TMPRSS4: variants seen among roughly 807,000 people sequenced by gnomAD.
TMPRSS4 encodes transmembrane serine protease 4, also known as transmembrane protease serine 4.
TMPRSS4 carries 45 observed loss-of-function variants against 56.4 expected under a neutral mutation model. That is an observed-to-expected ratio of 0.80 (90% CI 0.63 to 1.02). The LOEUF (loss-of-function observed/expected upper bound fraction) is 1.02, where lower values mean the gene tolerates loss of function less well. TMPRSS4 is among the 50% of genes least tolerant of loss of function. The probability of loss-of-function intolerance (pLI) is 0.00; values close to 1 mark genes in which losing one functional copy is unlikely to be tolerated. For synonymous variants in TMPRSS4, 205 were observed against 211.0 expected (o/e 0.97, Z 0.25); for missense variants, 546 against 556.7 (o/e 0.98, Z 0.19).
intron 4 of TMPRSS4, 25 bp downstream of exon 4, chr11:118,103,278 G>A (rs1946814417): frequency 6.2e-7 from 1 of 1,604,334 alleles, no homozygotes; most frequent in South Asian, 1.1e-5. Context: ...TGAGGCACAA[G>A]AGAAGTGGGC....
intron 9 of TMPRSS4, among the ~76,000 whole-genome samples, chr11:118,114,059 G>A (rs1029271929): frequency 6.6e-6 from 1 of 152,216 alleles, no homozygotes; most frequent in African/African-American, 2.4e-5. Context: ...AAAGGTAGGA[G>A]AAGTTTTTAA....
At chr11:118,097,663 A>G (rs1946482208) in intron 2 of TMPRSS4, among the ~76,000 whole-genome samples, 1 of 152,152 alleles carries the variant, frequency 6.6e-6, no homozygotes, top group Admixed American at 6.5e-5. Context: ...TGCAATTGAC[A>G]ATGTAGTTAT....
rs74424654 is a variant in TMPRSS4 at position 118,102,182 on chromosome 11, G to A, written c.158-919G>A. On this transcript the variant is annotated intron_variant, in intron 3 of 12. Transcript: ENST00000437212. ...TCCCGCCTCCCCCCGACAGGCCCCA[G>A]TGTGTGTTGATCCCCCTGCACGTGT... is the stretch of plus-strand genomic sequence containing the variant. 2.2e-3 allele frequency among the ~76,000 whole-genome samples: 337 copies of A among 152,054 alleles called. 1 individual carries two copies. Among genetic ancestry groups the A allele is most frequent in the African/African-American group, 7.6e-3 (315 of 41,448 alleles).
chr11:118,104,619 C>T, intron 4 of TMPRSS4, 72 bp from the exon 5 acceptor site: 1 of 1,609,168 alleles, frequency 6.2e-7, no homozygotes, highest in Admixed American at 1.7e-5. Flanking sequence ...GGGCTGGTCT[C>T]ATGATGAGTT....
At position 118,117,418 on chromosome 11, in the gene TMPRSS4, C is replaced by T; in HGVS notation, c.1266C>T (p.Val422=). ...GPSTPGVYTK[V]SAYLNWIYNV... is the part of the protein sequence containing the mutation. ...GCACCCCAGGAGTATACACCAAGGT[C>T]TCAGCCTATCTCAACTGGATCTACA... The change falls in exon 12 of 13, where the codon GTC becomes GTT. Residue 422 remains valine (V), a synonymous_variant. Coordinates refer to ENST00000437212, the MANE Select transcript of TMPRSS4 (RefSeq NM_019894.4). 2 of 1,614,082 alleles carry T rather than the reference C, an allele frequency of 1.2e-6. No homozygotes were observed. The highest frequency in any genetic ancestry group is 1.7e-6 in the Non-Finnish European group (2 of 1,179,990).
At chr11:118,104,231 TTC>T (rs1194469897) in intron 4 of TMPRSS4, among the ~76,000 whole-genome samples, 1 of 152,178 alleles carries the variant, frequency 6.6e-6, no homozygotes, top group Non-Finnish European at 1.5e-5. Flanking sequence ...CCAGTAGGAC[TTC>T]TCACTCAACC....
intron 1 of TMPRSS4, among the ~76,000 whole-genome samples, chr11:118,087,370 T>C (rs1225089604): frequency 6.6e-6 from 1 of 152,242 alleles, no homozygotes; most frequent in Non-Finnish European, 1.5e-5. Context: ...TTTCTGTTCC[T>C]TTGGCCTCCT....
chr11:118,114,795 A>G (rs1947451834), intron 9 of TMPRSS4, 34 bp from the exon 10 acceptor site: 1 of 1,550,986 alleles, frequency 6.4e-7, no homozygotes, highest in African/African-American at 1.4e-5. Flanking sequence ...TATGATGAAT[A>G]AAAGATCTCC....
intron 1 of TMPRSS4, among the ~76,000 whole-genome samples, chr11:118,078,035 A>G (rs71482126): frequency 4.6e-5 from 4 of 87,560 alleles, no homozygotes; most frequent in East Asian, 2.9e-4. Flanking sequence ...AAAAAAAAAA[A>G]AAAAAAAAAG....
At chr11:118,116,363 G>A (rs1223415324) in intron 11 of TMPRSS4, among the ~76,000 whole-genome samples, 1 of 152,178 alleles carries the variant, frequency 6.6e-6, no homozygotes, top group Non-Finnish European at 1.5e-5. Flanking sequence ...CATGAACATG[G>A]TAGTCTTTGG....
At chr11:118,095,166 C>A (rs897140584) in intron 2 of TMPRSS4, 9 of 358,450 alleles carry the variant, frequency 2.5e-5, no homozygotes, top group Non-Finnish European at 4.2e-5. Flanking sequence ...GTGCCAGGCC[C>A]TAGGCTGGAT....
intron 12 of TMPRSS4, 152 bp downstream of exon 12, chr11:118,117,606 C>G (rs527749598): frequency 6.8e-6 from 10 of 1,472,522 alleles, no homozygotes; most frequent in East Asian, 2.3e-5. Context: ...TGAGATTGCA[C>G]TATTAAGGCT....
Position 118,113,560 on chromosome 11 carries a change from T to G in TMPRSS4, c.910+125T>G. 3 of 1,105,086 alleles carry G rather than the reference T, an allele frequency of 2.7e-6. 1 individual carries two copies. In the South Asian group the frequency reaches 4.6e-5, roughly 17 times the overall value. The allele number at this position is 1,105,086 out of a possible 1,614,324, so 68.5% of individuals were successfully genotyped here. On this transcript the variant is annotated intron_variant, in intron 9 of 12. Coordinates refer to ENST00000437212, the MANE Select transcript of TMPRSS4 (RefSeq NM_019894.4). The stretch of plus-strand genomic sequence containing the variant: ...CTCAAGTCCTCAGCTTGCCCATTTG[T>G]CTCTAATACGTCAGCCTAACATCAC...
At chr11:118,083,419 A>G (rs997337422) in intron 1 of TMPRSS4, among the ~76,000 whole-genome samples, 3 of 152,148 alleles carry the variant, frequency 2.0e-5, no homozygotes, top group Admixed American at 2.0e-4. Flanking sequence ...CTGTCCCCAG[A>G]TGCGCTTAGT....
intron 1 of TMPRSS4, among the ~76,000 whole-genome samples, chr11:118,083,994 C>T (rs1240527423): frequency 1.3e-5 from 2 of 152,052 alleles, no homozygotes; most frequent in East Asian, 1.9e-4. Context: ...GCCGAGACAG[C>T]GCCACTGCAC....
At chr11:118,105,111 T>C (rs1455229802) in intron 5 of TMPRSS4, among the ~76,000 whole-genome samples, 2 of 152,184 alleles carry the variant, frequency 1.3e-5, no homozygotes, top group Non-Finnish European at 2.9e-5. Context: ...TTCTAGCGTC[T>C]ATGCAGTCCT....
intron 1 of TMPRSS4, among the ~76,000 whole-genome samples, chr11:118,083,953 G>A (rs1054878660): frequency 1.3e-5 from 2 of 152,068 alleles, no homozygotes; most frequent in Admixed American, 6.6e-5. Context: ...CAGGAGAATC[G>A]CTTTTACCTG....
intron 8 of TMPRSS4, among the ~76,000 whole-genome samples, chr11:118,112,445 C>A (rs1214512902): frequency 8.1e-6 from 1 of 123,544 alleles, no homozygotes; most frequent in Non-Finnish European, 1.6e-5. Flanking sequence ...TAGGCTGGAG[C>A]GCAGCAGCAT....
At chr11:118,112,159 C>A (rs948028753) in intron 8 of TMPRSS4, among the ~76,000 whole-genome samples, 7 of 152,090 alleles carry the variant, frequency 4.6e-5, no homozygotes, top group Non-Finnish European at 1.0e-4. Flanking sequence ...CACCCCACCC[C>A]CATATCGTTC....
Sources: gnomAD v4.1 joint callset for allele counts (sites outside exome capture counted in the v4.1 genomes callset) on GRCh38, gnomAD v4.1.1 for gene constraint, MANE v1.5 for transcripts, NCBI Gene and HGNC (gene_info 2026-07-23, HGNC 2026-07-21) for gene names.